The following EDC3 variants were observed in gnomAD, a reference collection of about 807,000 sequenced individuals.
The protein encoded by EDC3 is enhancer of mRNA decapping 3, also known as enhancer of mRNA-decapping protein 3.
EDC3 carries 20 observed loss-of-function variants against 41.8 expected under a neutral mutation model. The ratio of observed to expected loss-of-function variants is 0.48; its 90% CI spans 0.34 to 0.70. EDC3 has a LOEUF of 0.70. Among genes scored for constraint, EDC3 ranks in the 30% least tolerant of loss-of-function variants. The probability of loss-of-function intolerance (pLI) is 0.01; values close to 1 mark genes in which losing one functional copy is unlikely to be tolerated. For synonymous variants in EDC3, 206 were observed against 243.2 expected (o/e 0.85, Z 1.42); for missense variants, 444 against 636.8 (o/e 0.70, Z 3.26).
chr15:74,651,515 C>T (rs1354553040), intron 4 of EDC3, among the ~76,000 whole-genome samples: 1 of 152,208 alleles, frequency 6.6e-6, no homozygotes, highest in Non-Finnish European at 1.5e-5. Flanking sequence ...TGAATAATAG[C>T]TTATGTACTG....
intron 1 of EDC3, among the ~76,000 whole-genome samples, chr15:74,685,359 G>C (rs2062923089): frequency 6.6e-6 from 1 of 152,076 alleles, no homozygotes; most frequent in Non-Finnish European, 1.5e-5. Context: ...GCCATGATCA[G>C]GCCACTGCAC....
intron 3 of EDC3, among the ~76,000 whole-genome samples, chr15:74,670,078 G>C (rs1645292723): frequency 7.3e-6 from 1 of 136,186 alleles, no homozygotes; most frequent in African/African-American, 2.8e-5. Context: ...GGCTGGTCTC[G>C]AACTCCTGGG....
intron 4 of EDC3, among the ~76,000 whole-genome samples, chr15:74,654,658 C>T (rs1233495088): frequency 6.6e-6 from 1 of 151,904 alleles, no homozygotes; most frequent in African/African-American, 2.4e-5. Context: ...TGACACAGTT[C>T]AGCAGCTTGT....
chr15:74,678,760 C>T (rs189173578), intron 1 of EDC3, among the ~76,000 whole-genome samples: 105 of 151,142 alleles, frequency 6.9e-4, no homozygotes, highest in Admixed American at 3.3e-3. Context: ...CATGGTGGCA[C>T]GTGCCTGTAA....
intron 1 of EDC3, among the ~76,000 whole-genome samples, chr15:74,677,724 C>T (rs1259059100): frequency 3.3e-5 from 5 of 152,106 alleles, no homozygotes; most frequent in African/African-American, 1.2e-4. Context: ...ACCATCTGAT[C>T]CAGCAATCAC....
Position 74,671,653 on chromosome 15 carries a change from T to C in EDC3, c.286A>G (p.Asn96Asp). The C allele has an allele frequency of 6.2e-7, 1 of 1,614,184 alleles. No individual in the cohort carries two copies. Among genetic ancestry groups the C allele is most frequent in the Non-Finnish European group, 8.5e-7 (1 of 1,180,028 alleles). ...ACAAACTTGCCTGTGCCATTCTGAT[T>C]GATGCCCACTTGGCAGCCAGCACCA... ...PSGAGCQVGI[N>D]QNGTGKFVKK... Residue 96 changes from asparagine (N) to aspartate (D), a missense_variant, in exon 3 of 7, where the codon AAT becomes GAT. Asn to Asp is a conservative substitution (Grantham distance 23). Transcript: ENST00000315127. This position sits in a 1 kb window ranked among gnomAD's most constrained non-coding sequence, Gnocchi z 4.6.
intron 6 of EDC3, 38 bp downstream of exon 6, chr15:74,635,371 G>T (rs770391748): frequency 6.3e-7 from 1 of 1,590,926 alleles, no homozygotes; most frequent in East Asian, 2.2e-5. Context: ...TGCTAAGGAG[G>T]GAGGAGGCCT....
At chr15:74,686,582 C>T (rs1057193569) in intron 1 of EDC3, among the ~76,000 whole-genome samples, 1 of 151,762 alleles carries the variant, frequency 6.6e-6, no homozygotes, top group African/African-American at 2.4e-5. Context: ...GAGTTTGAGA[C>T]CAGCCTGGCC....
intron 4 of EDC3, among the ~76,000 whole-genome samples, chr15:74,650,649 A>G (rs907243211): frequency 1.3e-5 from 2 of 152,204 alleles, no homozygotes; most frequent in Non-Finnish European, 2.9e-5. Flanking sequence ...AATAAACATA[A>G]TAAACACAGT....
intron 4 of EDC3, chr15:74,643,063 C>G (rs2062372893): frequency 6.6e-6 from 1 of 152,166 alleles, no homozygotes; most frequent in African/African-American, 2.4e-5. Context: ...TCTGACTGTT[C>G]CTCTGAAAGG....
At chr15:74,649,869 G>A (rs1023374288) in intron 4 of EDC3, among the ~76,000 whole-genome samples, 12 of 149,576 alleles carry the variant, frequency 8.0e-5, no homozygotes, top group Middle Eastern at 3.4e-3. Context: ...AAGGGGGGGG[G>A]GGTCACAAAA....
chr15:74,656,562 A>T (rs1435857123), intron 3 of EDC3, among the ~76,000 whole-genome samples: 1 of 152,228 alleles, frequency 6.6e-6, no homozygotes, highest in East Asian at 1.9e-4. Context: ...TTTTTCTGAC[A>T]ACTTACTATT....
chr15:74,675,579 G>C (rs998506430), intron 1 of EDC3, among the ~76,000 whole-genome samples: 2 of 149,312 alleles, frequency 1.3e-5, no homozygotes, highest in Non-Finnish European at 3.0e-5. Context: ...GTAAATTCTG[G>C]ATAGTTGTTT....
rs771274861 is a variant in EDC3, at chr15:74,680,991, TATAAC to T, written c.-18-5854_-18-5850del. On this transcript the variant is annotated intron_variant, in intron 1 of 6. Transcript: ENST00000315127. ...AAATCAAAATGCTAAATATAACAGA[TATAAC>T]ATGTTCATGGATTAAAAGACTCGAC... Among the ~76,000 whole-genome samples the T allele has an allele frequency of 1.2e-4, 18 of 152,256 alleles. No individual in the cohort carries two copies. The East Asian group carries it at 3.1e-3, about 26-fold the overall frequency.
Position 74,671,893 on chromosome 15 carries a change from C to A in EDC3, c.165-119G>T. 5.1e-6 allele frequency: 5 copies of A among 986,772 alleles called. No individual in the cohort carries two copies. Among genetic ancestry groups the A allele is most frequent in the Non-Finnish European group, 6.0e-6 (4 of 662,572 alleles). 61.1% of individuals were successfully genotyped at this position (986,772 alleles called of 1,614,324 possible). A position where few individuals can be genotyped will look rare whatever the true frequency, so the allele number is the denominator to read the frequency against. Reference sequence around the variant, plus strand: ...CTGCATTTTATTGAGTTATCAGAGGCTAGGAAAGGGGGCTGTGTGCTTAAG... The same window carrying A: ...CTGCATTTTATTGAGTTATCAGAGGATAGGAAAGGGGGCTGTGTGCTTAAG... On this transcript the variant is annotated intron_variant, in intron 2 of 6. Coordinates refer to ENST00000315127, the MANE Select transcript of EDC3 (RefSeq NM_025083.5). This position sits in a 1 kb window ranked among gnomAD's most constrained non-coding sequence, Gnocchi z 4.6.
intron 3 of EDC3, among the ~76,000 whole-genome samples, chr15:74,663,158 G>C (rs2062639820): frequency 6.6e-6 from 1 of 152,052 alleles, no homozygotes; most frequent in African/African-American, 2.4e-5. Flanking sequence ...GTGGTGGCAG[G>C]CACCTGTAAT....
chr15:74,673,489 A>G (rs2062763721), intron 2 of EDC3, among the ~76,000 whole-genome samples: 1 of 152,172 alleles, frequency 6.6e-6, no homozygotes, highest in African/African-American at 2.4e-5. Context: ...GGGATGTCCA[A>G]TGGAAATGAC....
intron 1 of EDC3, among the ~76,000 whole-genome samples, chr15:74,680,232 G>A (rs1366488550): frequency 1.7e-5 from 2 of 119,110 alleles, no homozygotes; most frequent in African/African-American, 6.7e-5. Context: ...CTGCACTCCA[G>A]CCTGGGTGAC....
At chr15:74,659,112 C>T (rs895977267) in intron 3 of EDC3, among the ~76,000 whole-genome samples, 1 of 152,134 alleles carries the variant, frequency 6.6e-6, no homozygotes, top group Non-Finnish European at 1.5e-5. Flanking sequence ...CACACTTATG[C>T]CATAGCTAGG....
Sources: allele counts gnomAD v4.1 joint callset (sites outside exome capture counted in the v4.1 genomes callset), GRCh38; gene constraint gnomAD v4.1.1; non-coding constraint Gnocchi (gnomAD v3.1); transcripts MANE v1.5; gene names NCBI Gene and HGNC (gene_info 2026-07-23, HGNC 2026-07-21).